ECPAS: variants seen among roughly 807,000 people sequenced by gnomAD.
ECPAS encodes proteasome adapter and scaffold protein ECM29.
A neutral mutation model predicts 255.1 loss-of-function variants in ECPAS; 70 were observed. The observed-to-expected ratio is 0.27, with a 90% confidence interval of 0.23 to 0.33. ECPAS has a LOEUF of 0.33. Ranked by LOEUF, ECPAS falls within the 10% of genes least tolerant of loss-of-function variation. The pLI, the probability that ECPAS is intolerant of heterozygous loss-of-function variation, is 1.00. For synonymous variants in ECPAS, 784 were observed against 775.0 expected, an observed-to-expected ratio of 1.01 and a Z score of -0.19; for missense variants, 1,817 against 2,206.4, an observed-to-expected ratio of 0.82 and a Z score of 3.54.
At chr9:111,465,898 G>C (rs1464328676) in intron 2 of ECPAS, among the ~76,000 whole-genome samples, 1 of 151,834 alleles carries the variant, frequency 6.6e-6, no homozygotes, top group Non-Finnish European at 1.5e-5. Flanking sequence ...GCCAGGCATG[G>C]TGGTGCGTCC....
Position 111,403,797 on chromosome 9 carries a change from A to G in ECPAS, c.2652+4774T>C, listed in dbSNP as rs1191628673. ...TTACAGAACATTTCATCCAACTGCT[A>G]TAGAATACACGTTTTCTCATCAGCA... On this transcript the variant is annotated intron_variant, in intron 24 of 49. Transcript: ENST00000684092. Among the ~76,000 whole-genome samples, 3 of 149,942 alleles carry G rather than the reference A, an allele frequency of 2.0e-5. 1 individual carries two copies. The highest frequency in any genetic ancestry group is 7.6e-5 in the African/African-American group (3 of 39,586).
chr9:111,363,216 C>T (rs1373790853), intron 49 of ECPAS, among the ~76,000 whole-genome samples: 6 of 142,776 alleles, frequency 4.2e-5, no homozygotes, highest in African/African-American at 1.3e-4. Flanking sequence ...AGGTAGATAA[C>T]TGTTAAAAAT....
At position 111,484,228 on chromosome 9, in the gene ECPAS, C is replaced by A; in HGVS notation, c.-195G>T. 2 of 1,468,378 alleles carry A rather than the reference C, an allele frequency of 1.4e-6. No homozygotes were observed. The highest frequency in any genetic ancestry group is 9.0e-7 in the Non-Finnish European group (1 of 1,115,292). 91.0% of individuals were successfully genotyped at this position (1,468,378 alleles called of 1,614,324 possible). ...CCCCGGGGAGCCGCGCGCCGCAGTC[C>A]GTGAGGGGCTGGGCCGAGCGGGCCC... is the stretch of plus-strand genomic sequence containing the variant. On this transcript the variant is annotated 5_prime_UTR_variant, in exon 1 of 50. Transcript: ENST00000684092.
At position 111,371,544 on chromosome 9, in the gene ECPAS, A is replaced by AAGT. The variant is rs1290424570; in HGVS notation, c.4737+76_4737+77insACT. ...AATAATCCATTGGAAAAGTTACACA[A>AAGT]AACCAGATCGTTACTATTATGCAAA... is the stretch of plus-strand genomic sequence containing the variant. On this transcript the variant is annotated intron_variant, in intron 43 of 49. Coordinates refer to ENST00000684092, the MANE Select transcript of ECPAS (RefSeq NM_001364929.1). 2.3e-6 allele frequency: 3 copies of AAGT among 1,323,658 alleles called. No individual in the cohort carries two copies. In the East Asian group the frequency reaches 7.0e-5, roughly 31 times the overall value. The allele number at this position is 1,323,658 out of a possible 1,614,324, so 82.0% of individuals were successfully genotyped here. A position where few individuals can be genotyped will look rare whatever the true frequency, so the allele number is the denominator to read the frequency against.
chr9:111,464,662 C>G (rs2098277177), intron 2 of ECPAS, among the ~76,000 whole-genome samples: 1 of 151,892 alleles, frequency 6.6e-6, no homozygotes, highest in South Asian at 2.1e-4. Context: ...TAAGATCAAA[C>G]AAAATAAGCT....
chr9:111,437,430 T>A (rs2098239761), intron 6 of ECPAS, among the ~76,000 whole-genome samples: 1 of 152,232 alleles, frequency 6.6e-6, no homozygotes, highest in Admixed American at 6.5e-5. Flanking sequence ...TTTTGAGTTT[T>A]GAGCTGCCAA....
At chr9:111,461,808 G>A (rs1018055942) in intron 2 of ECPAS, among the ~76,000 whole-genome samples, 1 of 152,226 alleles carries the variant, frequency 6.6e-6, no homozygotes, top group African/African-American at 2.4e-5. Context: ...CATGTGGATA[G>A]GGAAGCCTTT....
rs572604048 is a variant in ECPAS, at chr9:111,464,880, T to C, written c.22+8017A>G. On this transcript the variant is annotated intron_variant, in intron 2 of 49. Coordinates refer to ENST00000684092, the MANE Select transcript of ECPAS (RefSeq NM_001364929.1). ...GTTTGAATTGCATCTGCAATGTTTA[T>C]TTCTTTAAAAAAATAAAATAAGGCC... is the stretch of plus-strand genomic sequence containing the variant. Among the ~76,000 whole-genome samples the C allele has an allele frequency of 6.3e-4, 96 of 152,316 alleles. 1 individual carries two copies. In the South Asian group the frequency reaches 0.011, roughly 17 times the overall value.
At position 111,372,429 on chromosome 9, in the gene ECPAS, C is replaced by G; in HGVS notation, c.4528G>C (p.Gly1510Arg). 1 of 1,613,122 alleles carries G rather than the reference C, an allele frequency of 6.2e-7. No individual in the cohort carries two copies. The highest frequency in any genetic ancestry group is 2.2e-5 in the East Asian group (1 of 44,870). Reference sequence around the variant, plus strand: ...GTTTAACTCAGGCCACACTACTAACCAGGTACGTTTTCCTGCCACACTTCG... The same window carrying G: ...GTTTAACTCAGGCCACACTACTAACGAGGTACGTTTTCCTGCCACACTTCG... ...WTEVWQENVP[G>R]SFGGIRLYLQ... The change falls in exon 42 of 50, where the codon GGA becomes CGA. Residue 1510 changes from glycine (G) to arginine (R), a missense_variant and splice_region_variant. Physicochemically the swap from Gly to Arg is moderately radical, Grantham distance 125. Transcript: ENST00000684092.
intron 9 of ECPAS, among the ~76,000 whole-genome samples, chr9:111,430,324 T>C (rs1480805157): frequency 2.0e-5 from 3 of 152,200 alleles, no homozygotes; most frequent in Admixed American, 1.3e-4. Flanking sequence ...ATCCCTACTC[T>C]AGACAGTTTG....
intron 1 of ECPAS, among the ~76,000 whole-genome samples, chr9:111,482,091 G>T (rs1456197570): frequency 6.6e-6 from 1 of 152,176 alleles, no homozygotes; most frequent in Non-Finnish European, 1.5e-5. Context: ...TGGCTAGGAC[G>T]GGAAATTTTA....
At chr9:111,466,139 C>T (rs1215247509) in intron 2 of ECPAS, among the ~76,000 whole-genome samples, 1 of 151,784 alleles carries the variant, frequency 6.6e-6, no homozygotes, top group East Asian at 1.9e-4. Context: ...TTGAAAGGAA[C>T]CTTAAAGCCT....
intron 6 of ECPAS, among the ~76,000 whole-genome samples, chr9:111,439,872 T>C (rs960834524): frequency 1.3e-5 from 2 of 151,686 alleles, no homozygotes; most frequent in African/African-American, 2.4e-5. Flanking sequence ...AACTAGATGA[T>C]AGCAGTGGGA....
rs564158372 is a variant in ECPAS, at chr9:111,476,444, A to C, written c.-82-3444T>G. Among the ~76,000 whole-genome samples, 499 of 152,318 alleles carry C rather than the reference A, an allele frequency of 3.3e-3. 2 individuals carry two copies. The highest frequency in any genetic ancestry group is 5.1e-3 in the Non-Finnish European group (349 of 68,024). Reference sequence around the variant, plus strand: ...TAATCACTCTAAGCATAAGGAAAGAAAGCTACAGGCTCTGACCTAAACTAA... The same window carrying C: ...TAATCACTCTAAGCATAAGGAAAGACAGCTACAGGCTCTGACCTAAACTAA... On this transcript the variant is annotated intron_variant, in intron 1 of 49. Coordinates refer to ENST00000684092, the MANE Select transcript of ECPAS (RefSeq NM_001364929.1).
intron 31 of ECPAS, 28 bp from the exon 32 acceptor site, chr9:111,386,484 A>G: frequency 7.6e-7 from 1 of 1,320,988 alleles, no homozygotes; most frequent in African/African-American, 1.5e-5. Flanking sequence ...ATAAAATTTA[A>G]AATGCAAAAT....
At chr9:111,434,145 T>C (rs1047039151) in intron 7 of ECPAS, among the ~76,000 whole-genome samples, 4 of 152,122 alleles carry the variant, frequency 2.6e-5, no homozygotes, top group Admixed American at 6.5e-5. Flanking sequence ...TTTACAATTA[T>C]TAAATGAGAA....
Position 111,390,035 on chromosome 9 carries a change from C to A in ECPAS, c.3228G>T (p.Val1076=), listed in dbSNP as rs1183983858. 1 of 1,601,786 alleles carries A rather than the reference C, an allele frequency of 6.2e-7. No individual in the cohort carries two copies. The highest frequency in any genetic ancestry group is 1.7e-5 in the Admixed American group (1 of 59,572). Residue 1076 remains valine, a synonymous_variant, in exon 30 of 50, where the codon GTG becomes GTT. Coordinates refer to ENST00000684092, the MANE Select transcript of ECPAS (RefSeq NM_001364929.1). ...LASDLSQPDL[V]YKFMNLANHH... is the part of the protein sequence containing the mutation. ...GGTTGGCTAAATTCATAAATTTATA[C>A]ACCAGATCTGGCTGGCTAAGATCAC...
chr9:111,461,474 A>G (rs1373137553), intron 2 of ECPAS, among the ~76,000 whole-genome samples: 1 of 152,138 alleles, frequency 6.6e-6, no homozygotes, highest in Non-Finnish European at 1.5e-5. Flanking sequence ...CAAAAAAATA[A>G]ACACATAAAA....
In ECPAS at chr9:111,361,339, C is replaced by G. The variant is rs1041167077; in HGVS notation, c.*691G>C. The G allele has an allele frequency of 6.6e-6, 1 of 152,172 alleles. No homozygotes were observed. Among genetic ancestry groups the G allele is most frequent in the African/African-American group, 2.4e-5 (1 of 41,434 alleles). 9.4% of individuals were successfully genotyped at this position (152,172 alleles called of 1,614,324 possible). A position where few individuals can be genotyped will look rare whatever the true frequency, so the allele number is the denominator to read the frequency against. On this transcript the variant is annotated 3_prime_UTR_variant, in exon 50 of 50. Transcript: ENST00000684092. ...CCTCTCCATCTGTAAAGATGCTAAA[C>G]AATCATTTTCTCCAAATCAACCACC...
Sources: allele counts gnomAD v4.1 joint callset (sites outside exome capture counted in the v4.1 genomes callset), GRCh38; gene constraint gnomAD v4.1.1; transcripts MANE v1.5; gene names NCBI Gene and HGNC (gene_info 2026-07-23, HGNC 2026-07-21).